Variants in GRIN2D observed in about 807,000 individuals in gnomAD.
GRIN2D encodes the protein glutamate receptor ionotropic, NMDA 2D.
Under a neutral mutation model 103.2 loss-of-function variants are expected in GRIN2D, and 37 were observed. The observed-to-expected ratio is 0.36, with a 90% confidence interval of 0.28 to 0.47. The LOEUF is 0.47. Among genes scored for constraint, GRIN2D ranks in the 20% least tolerant of loss-of-function variants. GRIN2D has a pLI of 1.00. For missense variants in GRIN2D, 1,557 were observed against 1,910.6 expected (o/e 0.81, Z 3.45); for synonymous variants, 845 against 885.6 (o/e 0.95, Z 0.81).
chr19:48,396,033 T>G (rs963102421), intron 2 of GRIN2D, among the ~76,000 whole-genome samples: 2 of 150,424 alleles, frequency 1.3e-5, no homozygotes, highest in African/African-American at 4.9e-5. Context: ...CGGGAGGAGG[T>G]AGGGGATAGC....
chr19:48,435,728 T>C (rs1476658169), intron 11 of GRIN2D, among the ~76,000 whole-genome samples: 2 of 152,170 alleles, frequency 1.3e-5, no homozygotes, highest in Non-Finnish European at 2.9e-5. Flanking sequence ...GTTAGAAGCA[T>C]GAGCCACCAC....
At position 48,404,000 on chromosome 19, in the gene GRIN2D, G is replaced by A. The variant is rs187577759; in HGVS notation, c.466-734G>A. Among the ~76,000 whole-genome samples the A allele has an allele frequency of 7.7e-4, 118 of 152,280 alleles. No individual in the cohort carries two copies. The South Asian group carries it at 0.014, about 18-fold the overall frequency. ...CACGCCTGTAATTCCAGCACTTTGG[G>A]AGGCCAAAGCGGGTGGATCATCTGA... On this transcript the variant is annotated intron_variant, in intron 3 of 13. Coordinates refer to ENST00000263269, the MANE Select transcript of GRIN2D (RefSeq NM_000836.4).
Position 48,442,707 on chromosome 19 carries a change from CG to C in GRIN2D, c.2784del (p.Ala930HisfsTer44). Reference protein sequence around the residue: ...PAYPAPRPAPGPAPFVPRERA... With the variant: ...PAYPAPRPAPXPAPFVPRERA... ...CGTACCCCGCGCCGCGGCCGGCTCCCGGGCCCGCACCTTTCGTGCCCCGCGA... is the reference window on the plus strand; with the variant it reads ...CGTACCCCGCGCCGCGGCCGGCTCCCGGCCCGCACCTTTCGTGCCCCGCGA... On this transcript the variant is annotated frameshift_variant, in exon 14 of 14. Transcript: ENST00000263269. LOFTEE classifies it high-confidence loss of function. The surrounding 1 kb of genome is among the most constrained non-coding windows in gnomAD (Gnocchi z 7.2). The C allele has an allele frequency of 8.8e-7, 1 of 1,139,886 alleles. No individual in the cohort carries two copies. The highest frequency in any genetic ancestry group is 1.1e-6 in the Non-Finnish European group (1 of 930,634). The allele number at this position is 1,139,886 out of a possible 1,614,324, so 70.6% of individuals were successfully genotyped here. A position where few individuals can be genotyped will look rare whatever the true frequency, so the allele number is the denominator to read the frequency against.
intron 3 of GRIN2D, 42 bp from the exon 4 acceptor site, chr19:48,404,692 C>A (rs201999871): frequency 1.3e-6 from 2 of 1,537,580 alleles, no homozygotes; most frequent in South Asian, 1.3e-5. Flanking sequence ...GAAATAAGGT[C>A]CCCACATCGG....
At chr19:48,433,951 CTTTTT>C (rs778701949) in intron 11 of GRIN2D, among the ~76,000 whole-genome samples, 1 of 140,222 alleles carries the variant, frequency 7.1e-6, no homozygotes, top group Admixed American at 7.2e-5. Context: ...CGCTTCTTTT[CTTTTT>C]TTTTTTTTTT....
intron 11 of GRIN2D, among the ~76,000 whole-genome samples, chr19:48,429,715 A>ATGTG (rs35154284): frequency 0.03 from 4,392 of 146,950 alleles, 96 homozygotes; most frequent in African/African-American, 0.062. Flanking sequence ...TAATTTTTTA[A>ATGTG]TGTGTGTGTG....
At chr19:48,399,370 C>G (rs1970682355) in intron 3 of GRIN2D, among the ~76,000 whole-genome samples, 1 of 152,126 alleles carries the variant, frequency 6.6e-6, no homozygotes, top group African/African-American at 2.4e-5. Context: ...GAGTTTGAGA[C>G]CAGCCTGGCC....
intron 11 of GRIN2D, among the ~76,000 whole-genome samples, chr19:48,435,919 G>T (rs1462999440): frequency 6.6e-6 from 1 of 152,222 alleles, no homozygotes; most frequent in Non-Finnish European, 1.5e-5. Context: ...CATTCCAAGG[G>T]GATACGCGCT....
chr19:48,425,299 T>G (rs1386880804), intron 11 of GRIN2D, among the ~76,000 whole-genome samples: 1 of 152,176 alleles, frequency 6.6e-6, no homozygotes. Context: ...TGGAGTGCAG[T>G]GCTGCAATCT....
intron 3 of GRIN2D, among the ~76,000 whole-genome samples, chr19:48,399,858 AG>A (rs1328553584): frequency 6.7e-5 from 1 of 14,862 alleles, no homozygotes; most frequent in East Asian, 1.2e-3. Flanking sequence ...GAGTCAGAAA[AG>A]GGGGCGGGGC....
chr19:48,444,191 G>T lies in GRIN2D; in HGVS notation c.*254G>T. 2.7e-6 allele frequency: 1 copy of T among 364,396 alleles called. No individual in the cohort carries two copies. The allele number at this position is 364,396 out of a possible 1,614,324, so 22.6% of individuals were successfully genotyped here. ...GCCCACCGGACTTTTTTTTAAACCC[G>T]ACAAGGGCTTTTTAACGTCACCAGA... On this transcript the variant is annotated 3_prime_UTR_variant, in exon 14 of 14. Coordinates refer to ENST00000263269, the MANE Select transcript of GRIN2D (RefSeq NM_000836.4). This position sits in a 1 kb window ranked among gnomAD's most constrained non-coding sequence, Gnocchi z 5.5.
In GRIN2D at chr19:48,442,468, T is replaced by C; in HGVS notation, c.2673+86T>C. On this transcript the variant is annotated intron_variant, in intron 13 of 13. Transcript: ENST00000263269. The surrounding 1 kb of genome is among the most constrained non-coding windows in gnomAD (Gnocchi z 7.2). Reference sequence around the variant, plus strand: ...CCGAGCAGAGACAAGGAGATGTGGGTCGAGATGTGGATAGTGGGGAAGAGA... The same window carrying C: ...CCGAGCAGAGACAAGGAGATGTGGGCCGAGATGTGGATAGTGGGGAAGAGA... 6.5e-7 allele frequency: 1 copy of C among 1,538,178 alleles called. No individual in the cohort carries two copies. Among genetic ancestry groups the C allele is most frequent in the South Asian group, 1.2e-5 (1 of 85,462 alleles).
intron 4 of GRIN2D, among the ~76,000 whole-genome samples, chr19:48,406,322 C>G (rs577622160): frequency 5.9e-5 from 9 of 152,256 alleles, no homozygotes; most frequent in African/African-American, 2.2e-4. Flanking sequence ...AGGTGTGTGC[C>G]CAACTTACGC....
chr19:48,408,769 G>A (rs539953570), intron 4 of GRIN2D, among the ~76,000 whole-genome samples: 262 of 150,430 alleles, frequency 1.7e-3, no homozygotes, highest in Middle Eastern at 6.9e-3. Flanking sequence ...GCAGTGAGCC[G>A]AGACCATACC....
At position 48,394,257 on chromosome 19, in the gene GRIN2D, C is replaced by T. The variant is rs1007969873; in HGVS notation, c.-306+389C>T. ...AGGGGGAATCCCAGGGAAGTGAGAT[C>T]GTGCGTGTGTGCGTGAGTGTATGTG... On this transcript the variant is annotated intron_variant, in intron 1 of 13. Coordinates refer to ENST00000263269, the MANE Select transcript of GRIN2D (RefSeq NM_000836.4). The surrounding 1 kb of genome is among the most constrained non-coding windows in gnomAD (Gnocchi z 5.1). Among the ~76,000 whole-genome samples the T allele has an allele frequency of 6.6e-6, 1 of 151,500 alleles. No homozygotes were observed. Among genetic ancestry groups the T allele is most frequent in the East Asian group, 1.9e-4 (1 of 5,148 alleles).
In GRIN2D at chr19:48,410,004, A is replaced by C. The variant is rs558156543; in HGVS notation, c.1086-3987A>C. Among the ~76,000 whole-genome samples the C allele has an allele frequency of 7.4e-5, 11 of 148,318 alleles. 1 individual carries two copies. The highest frequency in any genetic ancestry group is 2.7e-4 in the Admixed American group (4 of 14,876). ...TTCACCATGTTGGCCAGGCTGGTCT[A>C]AAACTCCTGACCTCAAGTGATCTGC... On this transcript the variant is annotated intron_variant, in intron 4 of 13. Coordinates refer to ENST00000263269, the MANE Select transcript of GRIN2D (RefSeq NM_000836.4).
At chr19:48,422,216 C>T (rs1023298391) in intron 11 of GRIN2D, among the ~76,000 whole-genome samples, 2 of 152,132 alleles carry the variant, frequency 1.3e-5, no homozygotes, top group African/African-American at 2.4e-5. Flanking sequence ...GGCTTTGTGA[C>T]CTTGGGCAAG....
chr19:48,398,795 G>T lies in GRIN2D; in HGVS notation c.403G>T (p.Ala135Ser), dbSNP rs1170126665. The T allele has an allele frequency of 6.9e-7, 1 of 1,457,950 alleles. No individual in the cohort carries two copies. Among genetic ancestry groups the T allele is most frequent in the South Asian group, 1.3e-5 (1 of 76,226 alleles). The allele number at this position is 1,457,950 out of a possible 1,614,324, so 90.3% of individuals were successfully genotyped here. Residue 135 changes from alanine to serine, a missense_variant, in exon 3 of 14, where the codon GCG becomes TCG. Around this residue, in one of 7 missense-constraint regions of GRIN2D, gnomAD observed 490 missense variants for 601.1 expected, o/e 0.82. Coordinates refer to ENST00000263269, the MANE Select transcript of GRIN2D (RefSeq NM_000836.4). ...AVAPILDFLS[A>S]QTSLPIVAVH... ...CGCGCCCATCCTCGACTTCCTGTCG[G>T]CGCAGACCTCGCTGCCCATCGTGGC...
intron 3 of GRIN2D, among the ~76,000 whole-genome samples, chr19:48,402,765 CGAGAGAGAGAGAGAGAGAGAGAGA>C (rs35263933): frequency 9.2e-6 from 1 of 108,962 alleles, no homozygotes; most frequent in Non-Finnish European, 1.8e-5. Context: ...TACTCCTTTA[CGAGAGAGAGAGAGAGAGAGAGAGA>C]GAGAGAGAGA....
Sources: allele counts gnomAD v4.1 joint callset (sites outside exome capture counted in the v4.1 genomes callset), GRCh38; gene constraint gnomAD v4.1.1; regional missense constraint gnomAD v4.1.1; non-coding constraint Gnocchi (gnomAD v3.1); transcripts MANE v1.5; gene names NCBI Gene and HGNC (gene_info 2026-07-23, HGNC 2026-07-21).